PHF20: variants seen among roughly 807,000 people sequenced by gnomAD.
The protein encoded by PHF20 is glioma-expressed antigen 2.
A neutral mutation model predicts 113.5 loss-of-function variants in PHF20; 23 were observed. The observed-to-expected ratio is 0.20, with a 90% CI of 0.15 to 0.29. PHF20 has a LOEUF of 0.29. Among genes scored for constraint, PHF20 ranks in the 10% least tolerant of loss-of-function variants. The pLI is 1.00. For synonymous variants in PHF20, 434 were observed against 457.3 expected, an observed-to-expected ratio of 0.95 and a Z score of 0.65; for missense variants, 943 against 1,219.6, an observed-to-expected ratio of 0.77 and a Z score of 3.38.
intron 10 of PHF20, among the ~76,000 whole-genome samples, chr20:35,905,512 G>A (rs1485223132): frequency 6.6e-6 from 1 of 152,188 alleles, no homozygotes; most frequent in South Asian, 2.1e-4. Flanking sequence ...CCCCCCATGT[G>A]AGGATGTAGC....
intron 9 of PHF20, among the ~76,000 whole-genome samples, chr20:35,888,297 A>G (rs2054776638): frequency 6.6e-6 from 1 of 152,104 alleles, no homozygotes; most frequent in African/African-American, 2.4e-5. Context: ...AACCATTATT[A>G]AAAGCAAAAT....
At chr20:35,775,916 G>A (rs968659810) in intron 1 of PHF20, among the ~76,000 whole-genome samples, 1 of 151,868 alleles carries the variant, frequency 6.6e-6, no homozygotes, top group African/African-American at 2.4e-5. Flanking sequence ...GGGCTCAAGC[G>A]ATCCTCCCCT....
intron 4 of PHF20, among the ~76,000 whole-genome samples, chr20:35,851,775 C>T (rs897283562): frequency 3.3e-5 from 5 of 151,964 alleles, no homozygotes; most frequent in Non-Finnish European, 5.9e-5. Context: ...ATTAACCTGG[C>T]GTGGTAGCAT....
chr20:35,831,087 A>G (rs1279933897), intron 2 of PHF20, among the ~76,000 whole-genome samples: 1 of 152,140 alleles, frequency 6.6e-6, no homozygotes, highest in Non-Finnish European at 1.5e-5. Flanking sequence ...ATGCCAGGTT[A>G]GTTACAAATA....
chr20:35,879,981 A>G lies in PHF20; in HGVS notation c.1282+8152A>G, dbSNP rs1284516024. On this transcript the variant is annotated intron_variant, in intron 9 of 17. Coordinates refer to ENST00000374012, the MANE Select transcript of PHF20 (RefSeq NM_016436.5). ...TGCTCCAGAGCTGTGACAGAGTGAG[A>G]CCCTGTGAAAGAAGGAAAGAAAGAG... Among the ~76,000 whole-genome samples the G allele has an allele frequency of 2.0e-5, 3 of 152,188 alleles. No homozygotes were observed. In the East Asian group the frequency reaches 5.8e-4, roughly 29 times the overall value.
At chr20:35,921,209 G>A (rs1407357680) in intron 13 of PHF20, among the ~76,000 whole-genome samples, 6 of 152,150 alleles carry the variant, frequency 3.9e-5, no homozygotes, top group African/African-American at 1.4e-4. Flanking sequence ...AGAGATGGGA[G>A]GACAAGCTCC....
intron 1 of PHF20, among the ~76,000 whole-genome samples, chr20:35,773,270 C>T (rs911794041): frequency 6.6e-6 from 1 of 152,152 alleles, no homozygotes; most frequent in African/African-American, 2.4e-5. Context: ...GGCGAGTGGT[C>T]TGTGGTTTTG....
intron 1 of PHF20, among the ~76,000 whole-genome samples, chr20:35,788,981 A>G (rs1341775843): frequency 6.6e-6 from 1 of 152,198 alleles, no homozygotes; most frequent in African/African-American, 2.4e-5. Context: ...AGATCTGCTT[A>G]GATAGGCAGT....
chr20:35,816,550 A>G (rs1600774639), intron 2 of PHF20, among the ~76,000 whole-genome samples: 1 of 151,308 alleles, frequency 6.6e-6, no homozygotes, highest in Admixed American at 6.6e-5. Flanking sequence ...CCGGGGTTCA[A>G]GCGATTCTCC....
chr20:35,907,768 A>G (rs1473545706), intron 10 of PHF20, among the ~76,000 whole-genome samples: 1 of 152,192 alleles, frequency 6.6e-6, no homozygotes, highest in Non-Finnish European at 1.5e-5. Flanking sequence ...CATGTGGTCA[A>G]TTTTAGATTA....
chr20:35,820,313 G>A (rs939223224), intron 2 of PHF20, among the ~76,000 whole-genome samples: 3 of 152,154 alleles, frequency 2.0e-5, no homozygotes, highest in Admixed American at 1.3e-4. Flanking sequence ...AGAAATAGTG[G>A]TGATTAGGAC....
At chr20:35,789,902 C>T (rs1271554451) in intron 1 of PHF20, among the ~76,000 whole-genome samples, 4 of 111,728 alleles carry the variant, frequency 3.6e-5, no homozygotes, top group South Asian at 6.3e-4. Flanking sequence ...TTCCCCAGTC[C>T]GGAGTGCAGT....
At chr20:35,789,852 C>G (rs2041505600) in intron 1 of PHF20, among the ~76,000 whole-genome samples, 1 of 1,608 alleles carries the variant, frequency 6.2e-4, no homozygotes, top group Non-Finnish European at 2.8e-3. Context: ...AGCCCCCGCC[C>G]CCCCCCCCCC....
At chr20:35,911,174 G>C (rs1262160631) in intron 10 of PHF20, among the ~76,000 whole-genome samples, 1 of 152,134 alleles carries the variant, frequency 6.6e-6, no homozygotes, top group Non-Finnish European at 1.5e-5. Flanking sequence ...CCCAGTAGCT[G>C]GGACTACAGG....
chr20:35,915,343 AT>A (rs2055384558), intron 12 of PHF20, among the ~76,000 whole-genome samples: 1 of 150,600 alleles, frequency 6.6e-6, no homozygotes, highest in African/African-American at 2.4e-5. Context: ...TATAATTTAT[AT>A]TTTAAAATAT....
At chr20:35,824,776 T>C (rs2042233442) in intron 2 of PHF20, among the ~76,000 whole-genome samples, 1 of 152,168 alleles carries the variant, frequency 6.6e-6, no homozygotes, top group Admixed American at 6.6e-5. Context: ...CTCCCTGCCC[T>C]TCCCAGCCTA....
At chr20:35,819,062 C>G (rs2042124315) in intron 2 of PHF20, among the ~76,000 whole-genome samples, 1 of 151,980 alleles carries the variant, frequency 6.6e-6, no homozygotes, top group Non-Finnish European at 1.5e-5. Context: ...TCCTGTGTAG[C>G]TGGGATTACA....
At chr20:35,867,540 C>T (rs1213592404) in intron 6 of PHF20, among the ~76,000 whole-genome samples, 3 of 152,144 alleles carry the variant, frequency 2.0e-5, no homozygotes, top group Non-Finnish European at 2.9e-5. Flanking sequence ...GGATTACAGG[C>T]GTGAGCCACC....
At chr20:35,929,796 A>T (rs1350512409) in intron 14 of PHF20, among the ~76,000 whole-genome samples, 1 of 152,222 alleles carries the variant, frequency 6.6e-6, no homozygotes, top group East Asian at 1.9e-4. Context: ...CACAGGGTCT[A>T]CCTTTATAGA....
Sources: allele counts gnomAD v4.1 joint callset (sites outside exome capture counted in the v4.1 genomes callset), GRCh38; gene constraint gnomAD v4.1.1; transcripts MANE v1.5; gene names NCBI Gene and HGNC (gene_info 2026-07-23, HGNC 2026-07-21).